Variants in RP1 observed in about 807,000 individuals in gnomAD.
The protein encoded by RP1 is oxygen-regulated protein 1.
RP1 carries 16 observed loss-of-function variants against 14.8 expected under a neutral mutation model. The ratio of observed to expected loss-of-function variants is 1.08; its 90% CI spans 0.73 to 1.65. The LOEUF (loss-of-function observed/expected upper bound fraction) is 1.65. RP1 is among the 40% of genes most tolerant of loss of function. The pLI, the probability that RP1 is intolerant of heterozygous loss-of-function variation, is 0.00. For missense variants in RP1, 2,631 were observed against 2,535.0 expected (o/e 1.04, Z -0.81); for synonymous variants, 876 against 883.6 (o/e 0.99, Z 0.15).
At chr8:54,754,476 A>C (rs1008992786) in intron 19 of RP1, among the ~76,000 whole-genome samples, 4 of 152,194 alleles carry the variant, frequency 2.6e-5, no homozygotes, top group African/African-American at 9.7e-5. Flanking sequence ...TAAGGTTAAA[A>C]GATAGTTAAA....
chr8:54,677,234 T>C (rs1335779632), intron 8 of RP1, among the ~76,000 whole-genome samples: 7 of 152,046 alleles, frequency 4.6e-5, no homozygotes, highest in African/African-American at 1.7e-4. Context: ...AGGCTGCCTG[T>C]GCTGAGTCTA....
In RP1 at chr8:54,628,674, A is replaced by G. The variant is rs745529891; in HGVS notation, c.4792A>G (p.Ser1598Gly). ...TGATTGGTCAGACTATCGGCCTGAC[A>G]GTGACAGTGAGCAGCCATATAAAAC... ...TSDWSDYRPD[S>G]DSEQPYKTSS... Residue 1598 changes from serine to glycine, a missense_variant, in exon 4 of 4, where the codon AGT becomes GGT. Transcript: ENST00000220676. The G allele has an allele frequency of 2.5e-6, 4 of 1,613,996 alleles. No homozygotes were observed. In the African/African-American group the frequency reaches 4.0e-5, roughly 16 times the overall value.
chr8:54,671,108 T>C (rs976235303), intron 7 of RP1, among the ~76,000 whole-genome samples: 5 of 152,088 alleles, frequency 3.3e-5, no homozygotes, highest in African/African-American at 1.2e-4. Flanking sequence ...TTGCCTGATG[T>C]AGAATTTTTG....
chr8:54,848,719 A>C (rs1178420757), intron 25 of RP1, among the ~76,000 whole-genome samples: 1 of 152,174 alleles, frequency 6.6e-6, no homozygotes, highest in African/African-American at 2.4e-5. Flanking sequence ...GATGAAGAAC[A>C]GTTCTTTCCC....
chr8:54,658,792 T>A (rs1041053204), intron 6 of RP1, among the ~76,000 whole-genome samples: 1 of 152,062 alleles, frequency 6.6e-6, no homozygotes. Flanking sequence ...CATTTTAAAT[T>A]TTTTGAGGAA....
intron 25 of RP1, among the ~76,000 whole-genome samples, chr8:54,848,564 T>C (rs10958432): frequency 0.74 from 112,769 of 152,020 alleles, 42,546 homozygotes; most frequent in African/African-American, 0.89. Context: ...TATGAACTCA[T>C]AGCCAAAATA....
intron 24 of RP1, among the ~76,000 whole-genome samples, chr8:54,807,666 CTATCTATCT>C (rs145085497): frequency 0.042 from 2,478 of 58,606 alleles, 86 homozygotes; most frequent in East Asian, 0.19. Flanking sequence ...ATCTATCTAT[CTATCTATCT>C]ATTTATCTAT....
chr8:54,579,536 C>G (rs1282077919), intron 1 of RP1, among the ~76,000 whole-genome samples: 1 of 152,114 alleles, frequency 6.6e-6, no homozygotes, highest in Non-Finnish European at 1.5e-5. Flanking sequence ...GGAATGAGTC[C>G]TAACATTCTC....
At chr8:54,677,011 C>T (rs1385880168) in intron 8 of RP1, among the ~76,000 whole-genome samples, 1 of 151,572 alleles carries the variant, frequency 6.6e-6, no homozygotes, top group African/African-American at 2.4e-5. Context: ...TCATCTGTGG[C>T]AGTGGTTTTC....
rs573187521 is a variant in RP1, at chr8:54,806,648, C to T, written c.3615+22938C>T. 7.2e-4 allele frequency among the ~76,000 whole-genome samples: 109 copies of T among 152,220 alleles called. 1 individual carries two copies. Among genetic ancestry groups the T allele is most frequent in the Non-Finnish European group, 1.3e-3 (87 of 68,018 alleles). On this transcript the variant is annotated intron_variant, in intron 24 of 28. Coordinates refer to the RP1 transcript ENST00000637698. The stretch of plus-strand genomic sequence containing the variant: ...AGAGCTCACAACTTAGATAATCAGG[C>T]GTACAACTTACTTGGTGATAGTTTT...
chr8:54,620,458 C>T (rs184866150), intron 1 of RP1, among the ~76,000 whole-genome samples: 16 of 152,330 alleles, frequency 1.1e-4, no homozygotes, highest in Admixed American at 9.8e-4. Flanking sequence ...TGTGTAAGTA[C>T]ACTCTCTGAT....
chr8:54,690,440 T>C (rs1231738723), intron 12 of RP1, among the ~76,000 whole-genome samples: 1 of 152,046 alleles, frequency 6.6e-6, no homozygotes, highest in African/African-American at 2.4e-5. Context: ...CAAACCCCTC[T>C]ATTTTCTGAG....
intron 19 of RP1, among the ~76,000 whole-genome samples, chr8:54,741,130 T>C (rs1410436732): frequency 6.6e-6 from 1 of 152,216 alleles, no homozygotes; most frequent in Non-Finnish European, 1.5e-5. Context: ...TAAGTGTTAT[T>C]ACAAAAGAGT....
chr8:54,862,292 C>T lies in RP1; in HGVS notation c.4070-3543C>T, dbSNP rs544547886. ...TTCTCTTACCTACAGTATATAAGAA[C>T]TTCTATTACGTCATATGCTCGCCAA... On this transcript the variant is annotated intron_variant, in intron 27 of 28. Coordinates refer to the RP1 transcript ENST00000637698. Among the ~76,000 whole-genome samples the T allele has an allele frequency of 2.4e-4, 36 of 152,230 alleles. 1 individual carries two copies. The highest frequency in any genetic ancestry group is 7.9e-4 in the African/African-American group (33 of 41,530).
At chr8:54,605,782 A>G (rs1805423928) in intron 1 of RP1, among the ~76,000 whole-genome samples, 1 of 151,952 alleles carries the variant, frequency 6.6e-6, no homozygotes, top group Non-Finnish European at 1.5e-5. Context: ...TGATCCCTTT[A>G]CCATTATGTA....
chr8:54,817,115 T>A (rs1000654689), intron 24 of RP1, among the ~76,000 whole-genome samples: 2 of 152,274 alleles, frequency 1.3e-5, no homozygotes. Flanking sequence ...TCATTTGTGT[T>A]CATTGTCTGT....
intron 7 of RP1, among the ~76,000 whole-genome samples, chr8:54,664,349 G>A (rs1437060730): frequency 6.6e-6 from 1 of 152,126 alleles, no homozygotes; most frequent in Non-Finnish European, 1.5e-5. Flanking sequence ...TAATGCTACT[G>A]TGTACATAGG....
At chr8:54,605,492 G>C (rs1325562632) in intron 1 of RP1, among the ~76,000 whole-genome samples, 1 of 152,034 alleles carries the variant, frequency 6.6e-6, no homozygotes, top group African/African-American at 2.4e-5. Context: ...GTGTAGTGTG[G>C]TGCTGAAAAG....
At position 54,646,370 on chromosome 8, in the gene RP1, G is replaced by A. The variant is rs182278749; in HGVS notation, c.788-2615G>A. 2.6e-3 allele frequency among the ~76,000 whole-genome samples: 394 copies of A among 149,750 alleles called. 1 individual carries two copies. The highest frequency in any genetic ancestry group is 5.7e-3 in the South Asian group (27 of 4,714). Reference sequence around the variant, plus strand: ...GTTAGTTTTTCTGTGATCTGACCTCGCCTCACTAAAATATTACATTAAGAA... The same window carrying A: ...GTTAGTTTTTCTGTGATCTGACCTCACCTCACTAAAATATTACATTAAGAA... On this transcript the variant is annotated intron_variant, in intron 3 of 22. Coordinates refer to the RP1 transcript ENST00000636932.
Sources: allele counts gnomAD v4.1 joint callset (sites outside exome capture counted in the v4.1 genomes callset), GRCh38; gene constraint gnomAD v4.1.1; transcripts MANE v1.5; gene names NCBI Gene and HGNC (gene_info 2026-07-23, HGNC 2026-07-21).